Variants in FOXN3 observed in about 807,000 individuals in gnomAD.
FOXN3 encodes the protein forkhead box protein N3.
Under a neutral mutation model 38.4 loss-of-function variants are expected in FOXN3, and 7 were observed. The ratio of observed to expected loss-of-function variants is 0.18; its 90% CI spans 0.10 to 0.34. FOXN3 has a LOEUF of 0.34. FOXN3 is among the 10% of genes least tolerant of loss of function. The pLI is 1.00. For synonymous variants in FOXN3, 230 were observed against 242.2 expected (o/e 0.95, Z 0.47); for missense variants, 456 against 613.4 (o/e 0.74, Z 2.71).
Position 89,613,436 on chromosome 14 carries a change from T to A in FOXN3, c.-15+5592A>T, listed in dbSNP as rs150983291. ...TGGGACGGTTCTGTTGGTTACACAC[T>A]CATTCTTCTTTGAAATGCAGGTGGG... On this transcript the variant is annotated intron_variant, in intron 1 of 6. Transcript: ENST00000345097. Among the ~76,000 whole-genome samples the A allele has an allele frequency of 1.2e-3, 187 of 152,302 alleles. 1 individual carries two copies. The highest frequency in any genetic ancestry group is 4.3e-3 in the African/African-American group (180 of 41,576).
intron 3 of FOXN3, among the ~76,000 whole-genome samples, chr14:89,301,183 T>C (rs527835122): frequency 6.6e-6 from 1 of 152,192 alleles, no homozygotes; most frequent in South Asian, 2.1e-4. Context: ...GACAAAGTGA[T>C]TTTAAATTTC....
In FOXN3 at chr14:89,557,726, G is replaced by C. The variant is rs193017079; in HGVS notation, c.-15+61302C>G. 5.9e-5 allele frequency among the ~76,000 whole-genome samples: 9 copies of C among 152,242 alleles called. 1 individual carries two copies. In the South Asian group the frequency reaches 1.0e-3, roughly 18 times the overall value. The stretch of plus-strand genomic sequence containing the variant: ...GTTATGCAAGAATGAGGTACCAAAG[G>C]GGGGCACGGTGGCTCACAACTGTAA... On this transcript the variant is annotated intron_variant, in intron 1 of 6. Coordinates refer to the FOXN3 transcript ENST00000345097.
At chr14:89,421,528 A>AGTT (rs56659540), upstream of FOXN3, among the ~76,000 whole-genome samples, 1 of 144,750 alleles carries the variant, frequency 6.9e-6, no homozygotes, top group Non-Finnish European at 1.5e-5. Flanking sequence ...ACCCAGGGAA[A>AGTT]TTTTTTTTTT....
At chr14:89,585,045 A>G (rs1895815800) in intron 1 of FOXN3, among the ~76,000 whole-genome samples, 1 of 152,010 alleles carries the variant, frequency 6.6e-6, no homozygotes, top group Admixed American at 6.6e-5. Context: ...TCCATTTTTT[A>G]TTGGCCAATC....
chr14:89,248,433 C>CCCATCCCTGTCTACTCTCTT (rs1885358587), intron 4 of FOXN3, among the ~76,000 whole-genome samples: 1 of 152,062 alleles, frequency 6.6e-6, no homozygotes, highest in African/African-American at 2.4e-5. Flanking sequence ...TTAATACTCT[C>CCCATCCCTGTCTACTCTCTT]CCCATCCCTG....
At position 89,545,370 on chromosome 14, in the gene FOXN3, C is replaced by T. The variant is rs78980654; in HGVS notation, c.-15+73658G>A. On this transcript the variant is annotated intron_variant, in intron 1 of 6. Coordinates refer to the FOXN3 transcript ENST00000345097. ...GGTAAATGCAACCAAAACAAGAAGA[C>T]GAGCAATCGTGCCCACATGTCTAAG... 4.4e-3 allele frequency among the ~76,000 whole-genome samples: 676 copies of T among 152,354 alleles called. 6 individuals are homozygous for T. Among genetic ancestry groups the T allele is most frequent in the South Asian group, 9.1e-3 (44 of 4,824 alleles).
chr14:89,418,143 G>T (rs967424899), upstream of FOXN3, among the ~76,000 whole-genome samples: 3 of 152,160 alleles, frequency 2.0e-5, no homozygotes, highest in Non-Finnish European at 4.4e-5. Context: ...CCCTGGTGGT[G>T]ACAAAAATAA....
intron 5 of FOXN3, among the ~76,000 whole-genome samples, chr14:89,169,864 G>A (rs532516708): frequency 7.9e-5 from 12 of 152,094 alleles, no homozygotes; most frequent in South Asian, 4.1e-4. Context: ...AAACACAAAC[G>A]TAAAACGAGA....
At chr14:89,241,263 C>T (rs889617153) in intron 4 of FOXN3, among the ~76,000 whole-genome samples, 25 of 152,212 alleles carry the variant, frequency 1.6e-4, no homozygotes, top group African/African-American at 4.8e-4. Context: ...TAAGTTCACA[C>T]GAATGTTCAC....
intron 1 of FOXN3, among the ~76,000 whole-genome samples, chr14:89,506,935 G>A (rs557283977): frequency 1.3e-5 from 2 of 152,042 alleles, no homozygotes; most frequent in Admixed American, 6.5e-5. Context: ...CAGCATGCTC[G>A]TTAAGAGTCA....
At chr14:89,227,999 C>T (rs899218634) in intron 4 of FOXN3, among the ~76,000 whole-genome samples, 1 of 152,208 alleles carries the variant, frequency 6.6e-6, no homozygotes, top group Admixed American at 6.5e-5. Context: ...CTCAGCCCCC[C>T]AAAGTGCTAG....
chr14:89,162,648 C>T lies in FOXN3; in HGVS notation c.1173G>A (p.Gly391=). ...GGCGCTTCTTGTGCTGGGATGCGTA[C>T]CCGCTGTCCCCCAGAGAATCCTTGG... ...KEPKDSLGDS[G]YASQHKKRQH... The change falls in exon 6 of 6, where the codon GGG becomes GGA. Residue 391 remains glycine, a synonymous_variant. Coordinates refer to ENST00000557258, the MANE Select transcript of FOXN3 (RefSeq NM_005197.4). The surrounding 1 kb of genome is among the most constrained non-coding windows in gnomAD (Gnocchi z 7.2). 3 of 1,613,882 alleles carry T rather than the reference C, an allele frequency of 1.9e-6. No homozygotes were observed. The highest frequency in any genetic ancestry group is 2.5e-6 in the Non-Finnish European group (3 of 1,179,930).
intron 3 of FOXN3, among the ~76,000 whole-genome samples, chr14:89,326,529 A>C (rs1888086887): frequency 6.6e-6 from 1 of 152,198 alleles, no homozygotes; most frequent in Non-Finnish European, 1.5e-5. Flanking sequence ...GGCGCACTGG[A>C]CTTTAGTCAA....
In FOXN3 at chr14:89,498,210, C is replaced by CTTTTTTT. The variant is rs547081117; in HGVS notation, c.-14-85727_-14-85721dup. On this transcript the variant is annotated intron_variant, in intron 1 of 6. Coordinates refer to the FOXN3 transcript ENST00000345097. ...TCTGGCTGCTTCTCTCTCTCTCTCTCTTTTTTTTTTTTTTTTTTTTTTTTG... is the reference window on the plus strand; with the variant it reads ...TCTGGCTGCTTCTCTCTCTCTCTCTCTTTTTTTTTTTTTTTTTTTTTTTTTTTTTTTG... 6.8e-4 allele frequency among the ~76,000 whole-genome samples: 55 copies of CTTTTTTT among 81,066 alleles called. 1 individual carries two copies. The highest frequency in any genetic ancestry group is 1.9e-3 in the African/African-American group (32 of 17,224). 53.2% of individuals were successfully genotyped at this position (81,066 alleles called of 152,430 possible).
rs1196714154 is a variant in FOXN3 at position 89,542,811 on chromosome 14, G to A, written c.-15+76217C>T. ...AGATCTTCTTTTGTTTTACAAAGAG[G>A]CAAGGAAACACATTTGGCTGATACA... is the stretch of plus-strand genomic sequence containing the variant. On this transcript the variant is annotated intron_variant, in intron 1 of 6. Coordinates refer to the FOXN3 transcript ENST00000345097. 4.6e-5 allele frequency among the ~76,000 whole-genome samples: 7 copies of A among 152,206 alleles called. 1 individual carries two copies. In the East Asian group the frequency reaches 1.3e-3, roughly 29 times the overall value.
chr14:89,193,950 T>C (rs1204236544), intron 4 of FOXN3, among the ~76,000 whole-genome samples: 1 of 152,178 alleles, frequency 6.6e-6, no homozygotes. Context: ...CAAATAACCT[T>C]GAGCATCTTT....
intron 4 of FOXN3, among the ~76,000 whole-genome samples, chr14:89,220,455 A>G (rs1406803618): frequency 6.6e-6 from 1 of 152,208 alleles, no homozygotes; most frequent in East Asian, 1.9e-4. Context: ...TGATACAACT[A>G]AAGCATCACC....
intron 4 of FOXN3, among the ~76,000 whole-genome samples, chr14:89,197,577 C>T (rs1888130630): frequency 6.6e-6 from 1 of 152,082 alleles, no homozygotes; most frequent in Admixed American, 6.5e-5. Context: ...AGAACAGTGC[C>T]TGCAACATCC....
In FOXN3 at chr14:89,374,092, C is replaced by G. The variant is rs137920337; in HGVS notation, c.544-23284G>C. On this transcript the variant is annotated intron_variant, in intron 2 of 5. Coordinates refer to ENST00000557258, the MANE Select transcript of FOXN3 (RefSeq NM_005197.4). The stretch of plus-strand genomic sequence containing the variant: ...ATCAGTCTGGGCAACACGAGGAAAC[C>G]TCATCTCTAGAAAAAATACAAAAAT... 4.1e-3 allele frequency among the ~76,000 whole-genome samples: 620 copies of G among 151,282 alleles called. 3 individuals carry two copies. Among genetic ancestry groups the G allele is most frequent in the African/African-American group, 0.015 (600 of 41,158 alleles).
Sources: allele counts gnomAD v4.1 joint callset (sites outside exome capture counted in the v4.1 genomes callset), GRCh38; gene constraint gnomAD v4.1.1; non-coding constraint Gnocchi (gnomAD v3.1); transcripts MANE v1.5; gene names NCBI Gene and HGNC (gene_info 2026-07-23, HGNC 2026-07-21).